The following WWOX variants were observed in gnomAD, a reference collection of about 807,000 sequenced individuals.
The protein encoded by WWOX is WW domain containing oxidoreductase, also known as WW domain-containing oxidoreductase.
Under a neutral mutation model 46.2 loss-of-function variants are expected in WWOX, and 69 were observed. That is an observed-to-expected ratio of 1.49 (90% CI 1.23 to 1.82). The LOEUF is 1.82. Among genes scored for constraint, WWOX ranks in the 40% most tolerant of loss-of-function variants. The pLI, the probability that WWOX is intolerant of heterozygous loss-of-function variation, is 0.00. For synonymous variants in WWOX, 359 were observed against 202.6 expected (o/e 1.77, Z -6.56); for missense variants, 919 against 542.6 (o/e 1.69, Z -6.89).
intron 8 of WWOX, among the ~76,000 whole-genome samples, chr16:79,096,597 C>G (rs1037820566): frequency 3.3e-5 from 5 of 152,192 alleles, no homozygotes; most frequent in East Asian, 3.9e-4. Context: ...TTCTCCATCC[C>G]CAGCAGCACC....
chr16:78,967,871 G>A (rs1313967913), intron 8 of WWOX, among the ~76,000 whole-genome samples: 3 of 152,138 alleles, frequency 2.0e-5, no homozygotes, highest in South Asian at 2.1e-4. Context: ...TGCAGCCTCC[G>A]GGGCCACATC....
chr16:78,721,306 TTTCTTC>T (rs940778345), intron 8 of WWOX, among the ~76,000 whole-genome samples: 1 of 152,252 alleles, frequency 6.6e-6, no homozygotes, highest in African/African-American at 2.4e-5. Flanking sequence ...ATTTCCCCCT[TTTCTTC>T]TTCAGGCTTT....
intron 8 of WWOX, chr16:78,994,356 T>C (rs1169293142): frequency 2.0e-5 from 3 of 152,200 alleles, no homozygotes; most frequent in Admixed American, 1.3e-4. Context: ...CGTAATGTGC[T>C]TTAAAGAAAG....
At chr16:78,953,674 A>T (rs1172038489) in intron 8 of WWOX, among the ~76,000 whole-genome samples, 1 of 152,236 alleles carries the variant, frequency 6.6e-6, no homozygotes, top group East Asian at 1.9e-4. Context: ...TGTGCCAAGC[A>T]TTTCGGTAGG....
intron 8 of WWOX, among the ~76,000 whole-genome samples, chr16:79,136,822 G>T (rs574698369): frequency 6.6e-6 from 1 of 152,278 alleles, no homozygotes; most frequent in Non-Finnish European, 1.5e-5. Flanking sequence ...GTGTTATGCC[G>T]GGAACTTCTT....
At chr16:79,174,670 C>G (rs558031529) in intron 8 of WWOX, among the ~76,000 whole-genome samples, 8 of 152,218 alleles carry the variant, frequency 5.3e-5, no homozygotes, top group Admixed American at 3.9e-4. Context: ...TTAAGAGGGA[C>G]TGATGTCCAG....
At chr16:79,078,174 T>G (rs1347769812) in intron 8 of WWOX, 3 of 152,180 alleles carry the variant, frequency 2.0e-5, no homozygotes, top group Non-Finnish European at 4.4e-5. Context: ...GCCCATAATG[T>G]GAAGAGAGGT....
chr16:78,530,846 TTGAG>T (rs1462111037), intron 8 of WWOX, among the ~76,000 whole-genome samples: 4 of 152,200 alleles, frequency 2.6e-5, no homozygotes, highest in Non-Finnish European at 4.4e-5. Context: ...TTAACATTGA[TTGAG>T]TGTGGATAAT....
At chr16:78,147,799 A>G (rs1428754765) in intron 4 of WWOX, among the ~76,000 whole-genome samples, 6 of 103,680 alleles carry the variant, frequency 5.8e-5, no homozygotes, top group African/African-American at 2.3e-4. Context: ...CAATGGAATG[A>G]AGGTCTTTTT....
At chr16:79,070,558 A>G (rs969341131) in intron 8 of WWOX, among the ~76,000 whole-genome samples, 6 of 152,258 alleles carry the variant, frequency 3.9e-5, no homozygotes, top group South Asian at 2.1e-4. Context: ...CTCCTTGGCA[A>G]TGAGTGAGGC....
intron 5 of WWOX, among the ~76,000 whole-genome samples, chr16:78,339,267 A>C (rs540225959): frequency 8.5e-6 from 1 of 117,642 alleles, no homozygotes; most frequent in African/African-American, 2.9e-5. Flanking sequence ...CCCTGGAGTT[A>C]ATACTCATCT....
Position 78,144,215 on chromosome 16 carries a change from G to T in WWOX, c.410-19968G>T, listed in dbSNP as rs145952977. Among the ~76,000 whole-genome samples the T allele has an allele frequency of 5.8e-3, 875 of 151,494 alleles. 10 individuals are homozygous for T. The highest frequency in any genetic ancestry group is 0.02 in the African/African-American group (823 of 41,296). ...TAAATAGTTTTCGGTAGTGGCTGGG[G>T]CACTAATGATTAATAGTTGAATAGC... On this transcript the variant is annotated intron_variant, in intron 4 of 8. Coordinates refer to ENST00000566780, the MANE Select transcript of WWOX (RefSeq NM_016373.4).
chr16:78,792,973 G>C, intron 8 of WWOX, among the ~76,000 whole-genome samples: 1 of 152,146 alleles, frequency 6.6e-6, no homozygotes, highest in Non-Finnish European at 1.5e-5. Flanking sequence ...TCTTTATTTC[G>C]TTGGTGCTCA....
At position 78,147,695 on chromosome 16, in the gene WWOX, TTAAAA is replaced by T. The variant is rs1466542241; in HGVS notation, c.410-16487_410-16483del. ...TCTTCCTTTTTTTTTTTTTTTTTTTTTAAAAAAAAAAAAGGTGCTTGAATTAGAAA... is the reference window on the plus strand; with the variant it reads ...TCTTCCTTTTTTTTTTTTTTTTTTTTAAAAAAAAGGTGCTTGAATTAGAAA... On this transcript the variant is annotated intron_variant, in intron 4 of 8. Coordinates refer to ENST00000566780, the MANE Select transcript of WWOX (RefSeq NM_016373.4). Among the ~76,000 whole-genome samples the T allele has an allele frequency of 2.3e-4, 25 of 107,998 alleles. 1 individual carries two copies. The South Asian group carries it at 4.9e-3, about 21-fold the overall frequency. 70.9% of individuals were successfully genotyped at this position (107,998 alleles called of 152,430 possible).
At chr16:78,374,733 G>A (rs1409565866) in intron 5 of WWOX, among the ~76,000 whole-genome samples, 1 of 151,838 alleles carries the variant, frequency 6.6e-6, no homozygotes, top group Non-Finnish European at 1.5e-5. Flanking sequence ...TGTATTATTA[G>A]TAGAGATGGG....
intron 8 of WWOX, among the ~76,000 whole-genome samples, chr16:79,070,447 A>G: frequency 6.6e-6 from 1 of 152,072 alleles, no homozygotes. Flanking sequence ...CTTTTTCTTG[A>G]TGGATTGCTA....
chr16:78,592,489 A>T (rs2151604331), intron 8 of WWOX, among the ~76,000 whole-genome samples: 1 of 152,328 alleles, frequency 6.6e-6, no homozygotes, highest in East Asian at 1.9e-4. Flanking sequence ...GTTATTCCTC[A>T]AGCCCCTGGA....
At chr16:78,407,727 A>T (rs2082581576) in intron 6 of WWOX, among the ~76,000 whole-genome samples, 1 of 152,198 alleles carries the variant, frequency 6.6e-6, no homozygotes, top group Non-Finnish European at 1.5e-5. Context: ...ATATATTGTG[A>T]AACATGGCTA....
At chr16:78,872,580 A>C (rs2044150989) in intron 8 of WWOX, among the ~76,000 whole-genome samples, 1 of 151,964 alleles carries the variant, frequency 6.6e-6, no homozygotes, top group African/African-American at 2.4e-5. Context: ...AATTAACTAA[A>C]ATACCTTAGG....
Sources: allele counts gnomAD v4.1 joint callset (sites outside exome capture counted in the v4.1 genomes callset), GRCh38; gene constraint gnomAD v4.1.1; transcripts MANE v1.5; gene names NCBI Gene and HGNC (gene_info 2026-07-23, HGNC 2026-07-21).